The following WDR72 variants were observed in gnomAD, a reference collection of about 807,000 sequenced individuals.
WDR72 encodes WD repeat-containing protein 72.
Under a neutral mutation model 124.2 loss-of-function variants are expected in WDR72, and 120 were observed. The observed-to-expected ratio is 0.97, with a 90% confidence interval of 0.83 to 1.12. The LOEUF (loss-of-function observed/expected upper bound fraction) is 1.12, where lower values mean the gene tolerates loss of function less well. WDR72 is among the 50% of genes most tolerant of loss of function. The pLI, the probability that WDR72 is intolerant of heterozygous loss-of-function variation, is 0.00. For missense variants in WDR72, 1,387 were observed against 1,278.8 expected, an observed-to-expected ratio of 1.08 and a Z score of -1.29; for synonymous variants, 452 against 441.7, an observed-to-expected ratio of 1.02 and a Z score of -0.29.
chr15:53,720,222 A>C (rs1014332318), intron 3 of WDR72, among the ~76,000 whole-genome samples: 5 of 152,140 alleles, frequency 3.3e-5, no homozygotes, highest in Non-Finnish European at 5.9e-5. Context: ...AATACTTGAA[A>C]CGTAAACATA....
At chr15:53,736,658 A>T (rs1449747911) in intron 1 of WDR72, among the ~76,000 whole-genome samples, 1 of 152,172 alleles carries the variant, frequency 6.6e-6, no homozygotes, top group Non-Finnish European at 1.5e-5. Flanking sequence ...TTGTAGGATG[A>T]GAAAAGTTGC....
At chr15:53,647,308 C>G (rs1433264607) in intron 14 of WDR72, among the ~76,000 whole-genome samples, 2 of 151,962 alleles carry the variant, frequency 1.3e-5, no homozygotes, top group Non-Finnish European at 2.9e-5. Context: ...GAAAGAGATT[C>G]ATTACTTAAA....
chr15:53,519,642 G>A lies in WDR72; in HGVS notation c.3254-1888C>T, dbSNP rs75895405. 2.7e-3 allele frequency among the ~76,000 whole-genome samples: 418 copies of A among 152,162 alleles called. 3 individuals are homozygous for A. Among genetic ancestry groups the A allele is most frequent in the African/African-American group, 9.5e-3 (396 of 41,564 alleles). ...TCAGACAAGACCTCCAGGTTCACTAGCAGGGTCAAAGTAATAGGAATGCTC... is the reference window on the plus strand; with the variant it reads ...TCAGACAAGACCTCCAGGTTCACTAACAGGGTCAAAGTAATAGGAATGCTC... On this transcript the variant is annotated intron_variant, in intron 19 of 19. Transcript: ENST00000360509.
Position 53,711,491 on chromosome 15 carries a change from G to A in WDR72, c.712-10C>T. On this transcript the variant is annotated splice_polypyrimidine_tract_variant and intron_variant, in intron 7 of 19. Coordinates refer to ENST00000360509, the MANE Select transcript of WDR72 (RefSeq NM_182758.4). ...CACAATAATCATAAACCTAAAATATGAAGTTGATGCACATTATCAAAGGCT... is the reference window on the plus strand; with the variant it reads ...CACAATAATCATAAACCTAAAATATAAAGTTGATGCACATTATCAAAGGCT... 9 of 1,613,790 alleles carry A rather than the reference G, an allele frequency of 5.6e-6. No individual in the cohort carries two copies. The highest frequency in any genetic ancestry group is 7.6e-6 in the Non-Finnish European group (9 of 1,179,970).
At chr15:53,736,998 A>AACACAC (rs67659814) in intron 1 of WDR72, among the ~76,000 whole-genome samples, 12,159 of 140,942 alleles carry the variant, frequency 0.086, 760 homozygotes, top group East Asian at 0.22. Flanking sequence ...GTAGATGTAA[A>AACACAC]ACACACACAC....
intron 18 of WDR72, among the ~76,000 whole-genome samples, chr15:53,541,535 G>A (rs71530716): frequency 1.3e-5 from 2 of 151,348 alleles, no homozygotes; most frequent in Non-Finnish European, 2.9e-5. Context: ...AAACCACAAA[G>A]ATGGGGAAAA....
chr15:53,557,842 GTT>G (rs2140289221), intron 18 of WDR72, among the ~76,000 whole-genome samples: 1 of 151,990 alleles, frequency 6.6e-6, no homozygotes, highest in Non-Finnish European at 1.5e-5. Flanking sequence ...TTATTACTAG[GTT>G]TTAGAAAAAA....
At chr15:53,668,686 G>GT (rs2015862043) in intron 13 of WDR72, among the ~76,000 whole-genome samples, 1 of 151,902 alleles carries the variant, frequency 6.6e-6, no homozygotes, top group African/African-American at 2.4e-5. Flanking sequence ...GGTGGATCAG[G>GT]TGAGTCCAGG....
At chr15:53,583,591 T>C (rs879387235) in intron 18 of WDR72, among the ~76,000 whole-genome samples, 3 of 152,072 alleles carry the variant, frequency 2.0e-5, no homozygotes, top group Admixed American at 6.6e-5. Flanking sequence ...ACATTTCTTT[T>C]TCTTCTAGCA....
At chr15:53,669,391 G>A (rs1362498882) in intron 13 of WDR72, among the ~76,000 whole-genome samples, 2 of 152,070 alleles carry the variant, frequency 1.3e-5, no homozygotes, top group Non-Finnish European at 2.9e-5. Flanking sequence ...GGGTGGAGGG[G>A]GGTCTTTCTT....
intron 19 of WDR72, among the ~76,000 whole-genome samples, chr15:53,519,935 T>G (rs1371988172): frequency 6.6e-6 from 1 of 152,108 alleles, no homozygotes; most frequent in Non-Finnish European, 1.5e-5. Context: ...TTCAAGCCCA[T>G]TGTATTCAGA....
intron 18 of WDR72, among the ~76,000 whole-genome samples, chr15:53,568,149 T>C (rs1362124232): frequency 6.6e-6 from 1 of 150,980 alleles, no homozygotes; most frequent in Non-Finnish European, 1.5e-5. Flanking sequence ...TTTTTAAAAA[T>C]AGGTAAATTT....
At position 53,561,940 on chromosome 15, in the gene WDR72, T is replaced by C. The variant is rs527915019; in HGVS notation, c.3148+35139A>G. On this transcript the variant is annotated intron_variant, in intron 18 of 19. Transcript: ENST00000360509. ...TTGTTTATCTTTTTATGGTAGCCAC[T>C]AGAAAGCTCAAGTAGTTAACATGAA... Among the ~76,000 whole-genome samples, 3 of 151,990 alleles carry C rather than the reference T, an allele frequency of 2.0e-5. No homozygotes were observed. In the South Asian group the frequency reaches 6.2e-4, roughly 31 times the overall value.
At chr15:53,531,351 C>G (rs983528402) in intron 18 of WDR72, among the ~76,000 whole-genome samples, 36 of 152,044 alleles carry the variant, frequency 2.4e-4, no homozygotes, top group African/African-American at 8.5e-4. Flanking sequence ...TATGCATTTA[C>G]ACAAGACATA....
chr15:53,588,650 C>T (rs1441761090), intron 18 of WDR72, among the ~76,000 whole-genome samples: 1 of 152,014 alleles, frequency 6.6e-6, no homozygotes, highest in Non-Finnish European at 1.5e-5. Context: ...ATTTCTCTAG[C>T]AATTGCCACA....
chr15:53,609,780 T>C (rs1209500417), intron 16 of WDR72, among the ~76,000 whole-genome samples, 188 bp from the exon 17 acceptor site: 1 of 152,054 alleles, frequency 6.6e-6, no homozygotes, highest in Admixed American at 6.6e-5. Context: ...ATTAATGCTT[T>C]GTAAAAGTGC....
At chr15:53,589,798 C>T (rs956203223) in intron 18 of WDR72, among the ~76,000 whole-genome samples, 1 of 151,888 alleles carries the variant, frequency 6.6e-6, no homozygotes, top group Non-Finnish European at 1.5e-5. Context: ...TTTCATATGC[C>T]AAGATGAAAA....
chr15:53,552,067 C>A (rs1271075578), intron 18 of WDR72, among the ~76,000 whole-genome samples: 1 of 152,028 alleles, frequency 6.6e-6, no homozygotes, highest in Admixed American at 6.6e-5. Flanking sequence ...GAATGCCTTG[C>A]AAGTGTCACC....
At chr15:53,676,854 T>C (rs1453206432) in intron 13 of WDR72, among the ~76,000 whole-genome samples, 2 of 152,170 alleles carry the variant, frequency 1.3e-5, no homozygotes, top group Non-Finnish European at 2.9e-5. Context: ...GCAGTACTTT[T>C]ACTCAGAACA....
Sources: gnomAD v4.1 joint callset for allele counts (sites outside exome capture counted in the v4.1 genomes callset) on GRCh38, gnomAD v4.1.1 for gene constraint, MANE v1.5 for transcripts, NCBI Gene and HGNC (gene_info 2026-07-23, HGNC 2026-07-21) for gene names.